Variants in PCDHA11 observed in about 807,000 individuals in gnomAD.
PCDHA11 encodes protocadherin alpha-11.
Under a neutral mutation model 70.3 loss-of-function variants are expected in PCDHA11, and 61 were observed. The ratio of observed to expected loss-of-function variants is 0.87; its 90% CI spans 0.71 to 1.07. PCDHA11 has a LOEUF of 1.07. PCDHA11 is among the 50% of genes least tolerant of loss of function. The pLI is 0.00. For synonymous variants in PCDHA11, 633 were observed against 555.1 expected (o/e 1.14, Z -1.97); for missense variants, 1,324 against 1,237.5 (o/e 1.07, Z -1.05).
At chr5:140,928,097 C>T (rs2084934742) in intron 1 of PCDHA11, 2 of 1,614,054 alleles carry the variant, frequency 1.2e-6, no homozygotes, top group African/African-American at 2.7e-5. Flanking sequence ...ATTGATGGGC[C>T]CCTGGACCGG....
chr5:140,902,419 T>C (rs2069442508), intron 1 of PCDHA11, among the ~76,000 whole-genome samples: 1 of 152,118 alleles, frequency 6.6e-6, no homozygotes, highest in Non-Finnish European at 1.5e-5. Flanking sequence ...ATAACAGTGG[T>C]GAAAGTGGGC....
At chr5:140,955,008 C>T (rs1393836611) in intron 1 of PCDHA11, among the ~76,000 whole-genome samples, 2 of 152,142 alleles carry the variant, frequency 1.3e-5, no homozygotes, top group Non-Finnish European at 2.9e-5. Flanking sequence ...CCAATTCTCC[C>T]AGCACCATTT....
At chr5:140,952,768 AT>A (rs1554220610) in intron 1 of PCDHA11, among the ~76,000 whole-genome samples, 1 of 152,180 alleles carries the variant, frequency 6.6e-6, no homozygotes, top group African/African-American at 2.4e-5. Context: ...AGACTGGATA[AT>A]TTAGAAAGAA....
At position 140,870,524 on chromosome 5, in the gene PCDHA11, TCA is replaced by T. The variant is rs782755570; in HGVS notation, c.1424_1425del (p.Thr475SerfsTer102). On this transcript the variant is annotated frameshift_variant, in exon 1 of 4. Coordinates refer to ENST00000398640, the MANE Select transcript of PCDHA11 (RefSeq NM_018902.5). LOFTEE classifies it high-confidence loss of function. ...AACAACCCACCAGGCTGCCACATCT[TCA>T]CAGTGTCGGCGCGGGACGCGGACGC... The T allele has an allele frequency of 6.2e-7, 1 of 1,614,194 alleles. No individual in the cohort carries two copies. The highest frequency in any genetic ancestry group is 8.5e-7 in the Non-Finnish European group (1 of 1,180,034).
intron 1 of PCDHA11, chr5:140,877,662 C>T: frequency 6.2e-7 from 1 of 1,613,558 alleles, no homozygotes; most frequent in Non-Finnish European, 8.5e-7. Context: ...CCACCGTGAG[C>T]CGGTGCGCGC....
rs901766941 is a variant in PCDHA11 at position 140,982,266 on chromosome 5, G to A, written c.2451-209G>A. The A allele has an allele frequency of 6.1e-5, 54 of 879,038 alleles. No homozygotes were observed. In the African/African-American group the frequency reaches 7.6e-4, roughly 12 times the overall value. The allele number at this position is 879,038 out of a possible 1,614,324, so 54.5% of individuals were successfully genotyped here. ...TAAAGATAGAACATGTGTGTTCCTG[G>A]AATAGTATAGCAGGCAATAAGTAAG... On this transcript the variant is annotated intron_variant, in intron 2 of 3. Coordinates refer to ENST00000398640, the MANE Select transcript of PCDHA11 (RefSeq NM_018902.5).
At chr5:140,876,061 C>T (rs782151232) in intron 1 of PCDHA11, 17 of 1,613,778 alleles carry the variant, frequency 1.1e-5, no homozygotes, top group African/African-American at 1.3e-5. Context: ...ATTAGTTCTT[C>T]GGAAGTTATT....
intron 1 of PCDHA11, among the ~76,000 whole-genome samples, chr5:140,880,228 A>G (rs2058273237): frequency 6.6e-6 from 1 of 152,196 alleles, no homozygotes; most frequent in Non-Finnish European, 1.5e-5. Context: ...GAACATTTAA[A>G]TTAGTGTATG....
At chr5:140,902,986 T>C (rs569244845) in intron 1 of PCDHA11, among the ~76,000 whole-genome samples, 1 of 152,346 alleles carries the variant, frequency 6.6e-6, no homozygotes, top group East Asian at 1.9e-4. Flanking sequence ...GTTGGTTCCA[T>C]ATTTTTGCAA....
chr5:140,883,672 T>C (rs782302494), intron 1 of PCDHA11: 2 of 1,613,366 alleles, frequency 1.2e-6, no homozygotes, highest in Non-Finnish European at 1.7e-6. Context: ...AGGAAAACAA[T>C]CCGCCGGGCT....
intron 1 of PCDHA11, among the ~76,000 whole-genome samples, chr5:140,936,910 G>A (rs1221304306): frequency 6.6e-6 from 1 of 152,062 alleles, no homozygotes; most frequent in African/African-American, 2.4e-5. Context: ...TATTGAATCT[G>A]TAGAAAATAT....
chr5:140,873,621 T>C (rs1282269984), intron 1 of PCDHA11, among the ~76,000 whole-genome samples: 2 of 152,186 alleles, frequency 1.3e-5, no homozygotes, highest in African/African-American at 4.8e-5. Flanking sequence ...TAACAATTTG[T>C]TTAGGTCAAA....
intron 1 of PCDHA11, among the ~76,000 whole-genome samples, chr5:140,903,619 A>T (rs1272385465): frequency 1.3e-5 from 2 of 152,226 alleles, no homozygotes; most frequent in African/African-American, 2.4e-5. Flanking sequence ...ATGAATGTGC[A>T]TGCATATGTA....
intron 1 of PCDHA11, among the ~76,000 whole-genome samples, chr5:140,949,414 C>G (rs887325816): frequency 6.6e-6 from 1 of 151,940 alleles, no homozygotes; most frequent in Non-Finnish European, 1.5e-5. Context: ...CACCTATCAT[C>G]ATTGTGTTTA....
intron 1 of PCDHA11, chr5:140,875,959 G>C (rs1448292250): frequency 5.0e-6 from 8 of 1,614,070 alleles, no homozygotes; most frequent in South Asian, 2.2e-5. Context: ...TGCGGATATC[G>C]GCGTAAACTC....
intron 3 of PCDHA11, 128 bp downstream of exon 3, chr5:140,982,691 C>T: frequency 7.1e-7 from 1 of 1,408,152 alleles, no homozygotes; most frequent in Non-Finnish European, 9.3e-7. Context: ...TTTTTCCATA[C>T]ATACATGATT....
chr5:140,898,560 G>T lies in PCDHA11; in HGVS notation c.2391+27066G>T, dbSNP rs185604146. On this transcript the variant is annotated intron_variant, in intron 1 of 3. Coordinates refer to ENST00000398640, the MANE Select transcript of PCDHA11 (RefSeq NM_018902.5). ...TTCCATTTATCTATGTCTCTGTTTT[G>T]GTACCAGTGCCATGCTGTTTTGGTT... Among the ~76,000 whole-genome samples the T allele has an allele frequency of 5.1e-3, 775 of 152,210 alleles. 4 individuals carry two copies. The highest frequency in any genetic ancestry group is 8.5e-3 in the Non-Finnish European group (578 of 68,016).
chr5:140,993,462 TCACACA>T (rs3836747), intron 3 of PCDHA11, among the ~76,000 whole-genome samples: 28,176 of 140,902 alleles, frequency 0.2, 2,920 homozygotes, highest in East Asian at 0.31. Flanking sequence ...TCTTTCTTTC[TCACACA>T]CACACACACA....
At chr5:140,927,556 A>G (rs1428283255) in intron 1 of PCDHA11, 15 of 1,614,022 alleles carry the variant, frequency 9.3e-6, no homozygotes, top group African/African-American at 1.3e-5. Flanking sequence ...AGTCACCATC[A>G]TTGTGGTGGA....
Sources: gnomAD v4.1 joint callset for allele counts (sites outside exome capture counted in the v4.1 genomes callset) on GRCh38, gnomAD v4.1.1 for gene constraint, MANE v1.5 for transcripts, NCBI Gene and HGNC (gene_info 2026-07-23, HGNC 2026-07-21) for gene names.